XKR6: variants seen among roughly 807,000 people sequenced by gnomAD.
The protein encoded by XKR6 is XK-related protein 6.
XKR6 carries 22 observed loss-of-function variants against 56.7 expected under a neutral mutation model. The ratio of observed to expected loss-of-function variants is 0.39; its 90% CI spans 0.28 to 0.55. The LOEUF (loss-of-function observed/expected upper bound fraction) is 0.55, where lower values mean the gene tolerates loss of function less well. XKR6 is among the 20% of genes least tolerant of loss of function. The pLI, the probability that XKR6 is intolerant of heterozygous loss-of-function variation, is 0.66. For missense variants in XKR6, 852 were observed against 889.0 expected, an observed-to-expected ratio of 0.96 and a Z score of 0.53; for synonymous variants, 524 against 387.8, an observed-to-expected ratio of 1.35 and a Z score of -4.13.
At chr8:11,047,361 T>C (rs1348526985) in intron 1 of XKR6, among the ~76,000 whole-genome samples, 1 of 152,222 alleles carries the variant, frequency 6.6e-6, no homozygotes, top group Non-Finnish European at 1.5e-5. Flanking sequence ...TTAAGAATAT[T>C]TTATTTTTCA....
intron 1 of XKR6, among the ~76,000 whole-genome samples, chr8:10,955,799 A>G (rs1488417271): frequency 6.6e-6 from 1 of 152,174 alleles, no homozygotes; most frequent in Non-Finnish European, 1.5e-5. Flanking sequence ...GCTCACTGTA[A>G]CAGAGGTAGG....
chr8:11,173,876 G>C (rs1229296923), intron 1 of XKR6, among the ~76,000 whole-genome samples: 2 of 152,134 alleles, frequency 1.3e-5, no homozygotes, highest in Admixed American at 6.5e-5. Context: ...AGATCACTTG[G>C]ACACCTAGTT....
At chr8:10,977,788 T>C (rs1256710077) in intron 1 of XKR6, among the ~76,000 whole-genome samples, 2 of 151,474 alleles carry the variant, frequency 1.3e-5, no homozygotes, top group African/African-American at 4.9e-5. Flanking sequence ...ACAGGAGTAA[T>C]AGCACATACC....
At chr8:10,966,300 A>G (rs896643395) in intron 1 of XKR6, among the ~76,000 whole-genome samples, 13 of 152,168 alleles carry the variant, frequency 8.5e-5, no homozygotes, top group African/African-American at 2.9e-4. Flanking sequence ...CTTGGGAGCC[A>G]CTGGTGTATA....
At chr8:11,113,018 AATG>A (rs759922978) in intron 1 of XKR6, among the ~76,000 whole-genome samples, 117 of 152,304 alleles carry the variant, frequency 7.7e-4, no homozygotes, top group African/African-American at 2.4e-3. Flanking sequence ...ACTTTTAAAA[AATG>A]ATGATGTTTT....
chr8:10,918,797 C>T (rs889525892), intron 2 of XKR6, among the ~76,000 whole-genome samples: 4 of 152,182 alleles, frequency 2.6e-5, no homozygotes, highest in South Asian at 2.1e-4. Flanking sequence ...GAAACCACCA[C>T]CTCTCTTTCT....
intron 1 of XKR6, among the ~76,000 whole-genome samples, chr8:10,970,250 G>T (rs1182106224): frequency 3.3e-5 from 5 of 152,208 alleles, no homozygotes; most frequent in Non-Finnish European, 7.3e-5. Flanking sequence ...CATCCAAGAG[G>T]ACAGGGTACC....
chr8:10,976,127 G>A (rs1312768067), intron 1 of XKR6, among the ~76,000 whole-genome samples: 4 of 151,960 alleles, frequency 2.6e-5, no homozygotes, highest in African/African-American at 9.7e-5. Context: ...AGTGAGCCGA[G>A]ATCGTGCCAC....
intron 2 of XKR6, among the ~76,000 whole-genome samples, chr8:10,900,163 C>T (rs74367646): frequency 0.048 from 7,265 of 152,202 alleles, 257 homozygotes; most frequent in Non-Finnish European, 0.07. Context: ...TACCCTCCCA[C>T]GGAGCACAAT....
chr8:10,960,193 T>G (rs1198388033), intron 1 of XKR6, among the ~76,000 whole-genome samples: 3 of 152,032 alleles, frequency 2.0e-5, no homozygotes, highest in Admixed American at 2.0e-4. Flanking sequence ...AGCAGGCAGG[T>G]GCAGGTACAG....
intron 1 of XKR6, among the ~76,000 whole-genome samples, chr8:11,157,318 G>C (rs1004410078): frequency 3.9e-5 from 6 of 152,138 alleles, no homozygotes; most frequent in African/African-American, 1.4e-4. Flanking sequence ...ATAAAGCCTG[G>C]GGTATAATAC....
chr8:11,138,914 C>A (rs530987320), intron 1 of XKR6, among the ~76,000 whole-genome samples: 14 of 142,808 alleles, frequency 9.8e-5, no homozygotes, highest in Admixed American at 5.4e-4. Context: ...GCCATTTCAC[C>A]GGCAGAATAA....
At chr8:11,015,138 C>A (rs1477560159) in intron 1 of XKR6, among the ~76,000 whole-genome samples, 1 of 150,844 alleles carries the variant, frequency 6.6e-6, no homozygotes, top group Non-Finnish European at 1.5e-5. Context: ...CCTCTGATCG[C>A]GTGATATGGG....
intron 1 of XKR6, among the ~76,000 whole-genome samples, chr8:10,962,914 C>A (rs1586361776): frequency 6.6e-6 from 1 of 152,178 alleles, no homozygotes; most frequent in African/African-American, 2.4e-5. Flanking sequence ...TGAGCCATCG[C>A]ACCTGGACTG....
intron 1 of XKR6, among the ~76,000 whole-genome samples, chr8:11,116,332 G>A (rs36036479): frequency 1.3e-5 from 2 of 152,158 alleles, no homozygotes; most frequent in Non-Finnish European, 2.9e-5. Flanking sequence ...TGTCAACACA[G>A]AGAACCTGTC....
intron 1 of XKR6, among the ~76,000 whole-genome samples, chr8:11,159,135 C>A (rs892809240): frequency 5.3e-5 from 8 of 152,198 alleles, no homozygotes; most frequent in African/African-American, 1.9e-4. Flanking sequence ...ATTTAGTTGG[C>A]CGTTTCAATG....
intron 2 of XKR6, among the ~76,000 whole-genome samples, chr8:10,905,619 C>G (rs1018047194): frequency 1.3e-5 from 2 of 152,160 alleles, no homozygotes; most frequent in Non-Finnish European, 2.9e-5. Flanking sequence ...ATCTGTCAGT[C>G]TGCATATCAA....
chr8:10,950,261 C>T (rs1164167176), intron 1 of XKR6, among the ~76,000 whole-genome samples: 1 of 152,192 alleles, frequency 6.6e-6, no homozygotes, highest in Non-Finnish European at 1.5e-5. Context: ...CCTCTGTGCT[C>T]CCAGCCCCCG....
chr8:11,033,467 T>C (rs1283489875), intron 1 of XKR6, among the ~76,000 whole-genome samples: 1 of 152,086 alleles, frequency 6.6e-6, no homozygotes, highest in Non-Finnish European at 1.5e-5. Flanking sequence ...ATGGTAATGA[T>C]GGTGATGATG....
Sources: allele counts gnomAD v4.1 joint callset (sites outside exome capture counted in the v4.1 genomes callset), GRCh38; gene constraint gnomAD v4.1.1; transcripts MANE v1.5; gene names NCBI Gene and HGNC (gene_info 2026-07-23, HGNC 2026-07-21).